The following ADK variants were observed in gnomAD, a reference collection of about 807,000 sequenced individuals.
ADK encodes the protein adenosine kinase, also known as N6,N6-dimethyladenosine kinase.
Under a neutral mutation model 44.7 loss-of-function variants are expected in ADK, and 24 were observed. The ratio of observed to expected loss-of-function variants is 0.54; its 90% CI spans 0.39 to 0.76. ADK has a LOEUF of 0.76. ADK is among the 30% of genes least tolerant of loss of function. ADK has a pLI of 0.00. For missense variants in ADK, 321 were observed against 425.1 expected (o/e 0.76, Z 2.15); for synonymous variants, 128 against 142.6 (o/e 0.90, Z 0.73).
intron 7 of ADK, among the ~76,000 whole-genome samples, chr10:74,586,992 AC>A (rs1194367406): frequency 6.6e-6 from 1 of 152,122 alleles, no homozygotes; most frequent in African/African-American, 2.4e-5. Context: ...AAAAAATTTT[AC>A]TGTATGTGAA....
chr10:74,237,542 C>G (rs1277739660), intron 3 of ADK, among the ~76,000 whole-genome samples: 1 of 152,210 alleles, frequency 6.6e-6, no homozygotes, highest in Non-Finnish European at 1.5e-5. Context: ...CACGAATGTT[C>G]TTAATGGCAT....
intron 1 of ADK, among the ~76,000 whole-genome samples, chr10:74,191,585 G>T (rs1048256926): frequency 1.6e-4 from 24 of 152,008 alleles, no homozygotes; most frequent in African/African-American, 5.6e-4. Flanking sequence ...TTTATATCCT[G>T]TTCCTCCCTT....
At chr10:74,631,599 C>T (rs1009017525) in intron 9 of ADK, among the ~76,000 whole-genome samples, 9 of 151,998 alleles carry the variant, frequency 5.9e-5, no homozygotes, top group Non-Finnish European at 5.9e-5. Context: ...AGTAGTATCA[C>T]CTATTGCAAT....
In ADK at chr10:74,507,580, A is replaced by T. The variant is rs139011330; in HGVS notation, c.556-17676A>T. On this transcript the variant is annotated intron_variant, in intron 6 of 10. Transcript: ENST00000539909. ...CAGTGAGCCGAGATCGTGCCACTCC[A>T]CTCCAGCCTGGTGACAGTGAAATCC... 5.1e-3 allele frequency among the ~76,000 whole-genome samples: 772 copies of T among 151,974 alleles called. 13 individuals are homozygous for T. Among genetic ancestry groups the T allele is most frequent in the Admixed American group, 0.017 (253 of 15,250 alleles).
At chr10:74,588,612 ACTGC>A (rs2133918619) in intron 7 of ADK, among the ~76,000 whole-genome samples, 1 of 152,328 alleles carries the variant, frequency 6.6e-6, no homozygotes, top group South Asian at 2.1e-4. Context: ...TGAACTTCAC[ACTGC>A]ATCACAACAG....
At chr10:74,459,915 G>A (rs903861972) in intron 6 of ADK, among the ~76,000 whole-genome samples, 2 of 151,814 alleles carry the variant, frequency 1.3e-5, no homozygotes, top group Non-Finnish European at 2.9e-5. Flanking sequence ...GTATCCAAAT[G>A]TGTTCCCACC....
At chr10:74,199,108 T>C (rs1843272434) in intron 1 of ADK, among the ~76,000 whole-genome samples, 1 of 152,208 alleles carries the variant, frequency 6.6e-6, no homozygotes, top group Non-Finnish European at 1.5e-5. Flanking sequence ...ACTTCTGATA[T>C]CCATTGTGAA....
intron 4 of ADK, among the ~76,000 whole-genome samples, chr10:74,390,724 T>C (rs1172013363): frequency 6.6e-6 from 1 of 152,178 alleles, no homozygotes; most frequent in Non-Finnish European, 1.5e-5. Context: ...TAGTACTATT[T>C]CTTTAATATA....
chr10:74,424,419 A>G (rs1844707615), intron 6 of ADK, among the ~76,000 whole-genome samples: 1 of 151,514 alleles, frequency 6.6e-6, no homozygotes, highest in Non-Finnish European at 1.5e-5. Flanking sequence ...CTGTAATCCC[A>G]GCTACTCAGG....
At chr10:74,300,358 CCTTTCTTT>C (rs199964770) in intron 3 of ADK, among the ~76,000 whole-genome samples, 3 of 64,080 alleles carry the variant, frequency 4.7e-5, no homozygotes, top group Admixed American at 3.4e-4. Flanking sequence ...TTCCTTCCTT[CCTTTCTTT>C]CTTTCTTCTT....
At chr10:74,154,654 A>G (rs2132025347) in intron 1 of ADK, among the ~76,000 whole-genome samples, 1 of 152,192 alleles carries the variant, frequency 6.6e-6, no homozygotes, top group East Asian at 1.9e-4. Context: ...ACCAAACTAA[A>G]TTATCTGTTA....
Position 74,502,245 on chromosome 10 carries a change from T to A in ADK, c.556-23011T>A, listed in dbSNP as rs191398976. 1.5e-3 allele frequency among the ~76,000 whole-genome samples: 229 copies of A among 152,224 alleles called. 1 individual carries two copies. Among genetic ancestry groups the A allele is most frequent in the African/African-American group, 4.8e-3 (201 of 41,558 alleles). ...CTTTATTATCAATTGCTATTTTTTT[T>A]AAATTTTTTTCTGGGAACATACTAC... is the stretch of plus-strand genomic sequence containing the variant. On this transcript the variant is annotated intron_variant, in intron 6 of 10. Transcript: ENST00000539909.
intron 2 of ADK, among the ~76,000 whole-genome samples, chr10:74,201,257 C>T (rs1177868475): frequency 2.6e-5 from 4 of 152,134 alleles, no homozygotes; most frequent in African/African-American, 7.2e-5. Flanking sequence ...GACAAGAGAA[C>T]GTGCAGGATA....
At chr10:74,589,413 C>T in intron 8 of ADK, 96 bp downstream of exon 8, 1 of 1,234,076 alleles carries the variant, frequency 8.1e-7, no homozygotes, top group Non-Finnish European at 1.2e-6. Flanking sequence ...TGCTATTATA[C>T]TCTCAGAGCC....
At chr10:74,239,810 A>G (rs1376059549) in intron 3 of ADK, among the ~76,000 whole-genome samples, 1 of 151,884 alleles carries the variant, frequency 6.6e-6, no homozygotes, top group Non-Finnish European at 1.5e-5. Flanking sequence ...CTAATACTCA[A>G]TATGTAAGGA....
Position 74,183,261 on chromosome 10 carries a change from G to A in ADK, c.66-17503G>A, listed in dbSNP as rs563031932. ...GCCGCTGTGCCCAGCCACATCCTTG[G>A]TTTTAAATTGTTATTTAAAAAATAC... On this transcript the variant is annotated intron_variant, in intron 1 of 10. Transcript: ENST00000539909. 2.0e-5 allele frequency among the ~76,000 whole-genome samples: 3 copies of A among 152,098 alleles called. No homozygotes were observed. The South Asian group carries it at 6.3e-4, about 32-fold the overall frequency.
At chr10:74,460,785 C>T (rs73290260) in intron 6 of ADK, among the ~76,000 whole-genome samples, 4,449 of 152,132 alleles carry the variant, frequency 0.029, 178 homozygotes, top group African/African-American at 0.088. Flanking sequence ...TGACAGCATA[C>T]GATAGATGTG....
rs188413025 is a variant in ADK, at chr10:74,562,401, G to A, written c.727-26881G>A. Among the ~76,000 whole-genome samples the A allele has an allele frequency of 5.2e-3, 786 of 152,334 alleles. 1 individual carries two copies. Among genetic ancestry groups the A allele is most frequent in the Admixed American group, 8.1e-3 (124 of 15,292 alleles). ...TACAGAACTAGGGTAACTGGAGCTA[G>A]TAGAAAAGCAAAGAAGCTTCTGATT... On this transcript the variant is annotated intron_variant, in intron 7 of 10. Transcript: ENST00000539909.
At chr10:74,419,573 G>C (rs1344806669) in intron 6 of ADK, among the ~76,000 whole-genome samples, 1 of 152,186 alleles carries the variant, frequency 6.6e-6, no homozygotes, top group Non-Finnish European at 1.5e-5. Flanking sequence ...ATGCCAAGCT[G>C]TCTGCTTTGT....
Sources: allele counts gnomAD v4.1 joint callset (sites outside exome capture counted in the v4.1 genomes callset), GRCh38; gene constraint gnomAD v4.1.1; transcripts MANE v1.5; gene names NCBI Gene and HGNC (gene_info 2026-07-23, HGNC 2026-07-21).